The following GALNT7 variants were observed in gnomAD, a reference collection of about 807,000 sequenced individuals.
GALNT7 encodes the protein N-acetylgalactosaminyltransferase 7.
In GALNT7, 60 loss-of-function variants were observed where a neutral mutation model predicts 82.1. The observed-to-expected ratio is 0.73, with a 90% CI of 0.59 to 0.91. The LOEUF (loss-of-function observed/expected upper bound fraction) is 0.91, where lower values mean the gene tolerates loss of function less well. Ranked by LOEUF, GALNT7 falls within the 40% of genes least tolerant of loss-of-function variation. GALNT7 has a pLI of 0.00. For missense variants in GALNT7, 660 were observed against 804.2 expected, an observed-to-expected ratio of 0.82 and a Z score of 2.17; for synonymous variants, 243 against 275.1, an observed-to-expected ratio of 0.88 and a Z score of 1.15.
At chr4:173,297,249 G>T (rs3775592) in intron 5 of GALNT7, among the ~76,000 whole-genome samples, 16,326 of 123,798 alleles carry the variant, frequency 0.13, 2,023 homozygotes, top group African/African-American at 0.39. Flanking sequence ...TTTTTTTTTT[G>T]TTTGTTTTGC....
chr4:173,179,805 A>T (rs562910363), intron 1 of GALNT7, among the ~76,000 whole-genome samples: 1 of 152,200 alleles, frequency 6.6e-6, no homozygotes, highest in African/African-American at 2.4e-5. Context: ...AAAACAAAAC[A>T]AAAGAACAGT....
chr4:173,207,981 T>C (rs1270052685), intron 1 of GALNT7, among the ~76,000 whole-genome samples: 1 of 152,184 alleles, frequency 6.6e-6, no homozygotes, highest in Non-Finnish European at 1.5e-5. Flanking sequence ...AAATTGGTCA[T>C]TTGGATGTTT....
At chr4:173,204,783 A>G (rs1275609385) in intron 1 of GALNT7, among the ~76,000 whole-genome samples, 1 of 152,192 alleles carries the variant, frequency 6.6e-6, no homozygotes, top group Non-Finnish European at 1.5e-5. Context: ...ATTCTGTGTC[A>G]GACAGTTCAT....
At chr4:173,319,031 A>G (rs1737708905) in intron 11 of GALNT7, among the ~76,000 whole-genome samples, 1 of 152,114 alleles carries the variant, frequency 6.6e-6, no homozygotes, top group Non-Finnish European at 1.5e-5. Flanking sequence ...TAACGTCTTT[A>G]TCATTGTTGT....
At chr4:173,200,572 C>A (rs1732914224) in intron 1 of GALNT7, among the ~76,000 whole-genome samples, 1 of 152,110 alleles carries the variant, frequency 6.6e-6, no homozygotes, top group South Asian at 2.1e-4. Context: ...TGTGCAAGAC[C>A]ATATTATTCT....
intron 2 of GALNT7, among the ~76,000 whole-genome samples, chr4:173,276,550 A>G (rs764417466): frequency 2.0e-5 from 3 of 152,224 alleles, no homozygotes; most frequent in Non-Finnish European, 4.4e-5. Flanking sequence ...TTATCAAGAA[A>G]AGAATAGTCT....
chr4:173,203,500 T>G (rs1416253869), intron 1 of GALNT7, among the ~76,000 whole-genome samples: 1 of 152,244 alleles, frequency 6.6e-6, no homozygotes, highest in Non-Finnish European at 1.5e-5. Flanking sequence ...ATTGCCATTA[T>G]GTTCACTACT....
intron 1 of GALNT7, among the ~76,000 whole-genome samples, chr4:173,221,279 T>C (rs1733635733): frequency 6.6e-6 from 1 of 152,240 alleles, no homozygotes; most frequent in Non-Finnish European, 1.5e-5. Flanking sequence ...TTCATTTGTT[T>C]CTTGGCTGCA....
intron 1 of GALNT7, among the ~76,000 whole-genome samples, chr4:173,234,871 T>C (rs987781947): frequency 2.0e-5 from 3 of 152,180 alleles, no homozygotes; most frequent in African/African-American, 7.2e-5. Flanking sequence ...TGTCTCGCCA[T>C]GTGATCTCTG....
intron 1 of GALNT7, among the ~76,000 whole-genome samples, chr4:173,241,223 A>G (rs73870602): frequency 1.9e-4 from 28 of 146,630 alleles, no homozygotes; most frequent in Non-Finnish European, 3.0e-4. Flanking sequence ...AAAAAAAAAA[A>G]AAGAAAGAAA....
At chr4:173,223,542 T>C (rs541474967) in intron 1 of GALNT7, among the ~76,000 whole-genome samples, 186 of 152,222 alleles carry the variant, frequency 1.2e-3, no homozygotes, top group African/African-American at 4.4e-3. Flanking sequence ...CTTTAGGAAT[T>C]CCTTCACTCT....
chr4:173,265,631 C>CAGGCCCCAAGTGCA (rs1735458024), intron 2 of GALNT7, among the ~76,000 whole-genome samples: 1 of 145,896 alleles, frequency 6.9e-6, no homozygotes, highest in Non-Finnish European at 1.5e-5. Context: ...GTCTCTGTCT[C>CAGGCCCCAAGTGCA]TCCACCCCCA....
chr4:173,182,738 T>TACACAC (rs35300617), intron 1 of GALNT7, among the ~76,000 whole-genome samples: 1,568 of 115,772 alleles, frequency 0.014, 30 homozygotes, highest in African/African-American at 0.029. Context: ...TTACTCTTAA[T>TACACAC]ACACACACAC....
Position 173,322,332 on chromosome 4 carries a change from C to T in GALNT7, c.*615C>T, listed in dbSNP as rs944478264. ...TAGGATGGTAATGATGGACTTGTCA[C>T]CTGTATGGGGAATACTTTTACTACT... On this transcript the variant is annotated 3_prime_UTR_variant, in exon 12 of 12. Coordinates refer to ENST00000265000, the MANE Select transcript of GALNT7 (RefSeq NM_017423.3). 6.6e-6 allele frequency: 1 copy of T among 152,622 alleles called. No individual in the cohort carries two copies. Among genetic ancestry groups the T allele is most frequent in the African/African-American group, 2.4e-5 (1 of 41,402 alleles). 9.5% of individuals were successfully genotyped at this position (152,622 alleles called of 1,614,324 possible). A position where few individuals can be genotyped will look rare whatever the true frequency, so the allele number is the denominator to read the frequency against.
intron 1 of GALNT7, among the ~76,000 whole-genome samples, chr4:173,178,052 T>TGTGTGTGTGCGCGCGCGCGC (rs563102408): frequency 1.5e-4 from 20 of 129,508 alleles, no homozygotes; most frequent in African/African-American, 4.9e-4. Flanking sequence ...TGTGTGTGTG[T>TGTGTGTGTGCGCGCGCGCGC]GCGCGCACGC....
At chr4:173,219,896 T>A (rs1331213930) in intron 1 of GALNT7, among the ~76,000 whole-genome samples, 3 of 152,234 alleles carry the variant, frequency 2.0e-5, no homozygotes, top group Non-Finnish European at 2.9e-5. Flanking sequence ...ATATTAGTCC[T>A]TTGTTGGATG....
intron 8 of GALNT7, among the ~76,000 whole-genome samples, chr4:173,305,454 T>A (rs1737117940): frequency 6.6e-6 from 1 of 152,198 alleles, no homozygotes; most frequent in South Asian, 2.1e-4. Context: ...AGTCTATTTT[T>A]ATTTTTGTTG....
At chr4:173,280,811 A>G (rs1736084512) in intron 2 of GALNT7, among the ~76,000 whole-genome samples, 1 of 152,226 alleles carries the variant, frequency 6.6e-6, no homozygotes, top group Admixed American at 6.5e-5. Context: ...TACAATGGGC[A>G]TTTCTTTCTT....
intron 2 of GALNT7, among the ~76,000 whole-genome samples, chr4:173,280,913 A>C (rs1736088009): frequency 6.6e-6 from 1 of 152,192 alleles, no homozygotes; most frequent in African/African-American, 2.4e-5. Flanking sequence ...AAACCAGAAA[A>C]GAGCTAAACT....
Sources: gnomAD v4.1 joint callset for allele counts (sites outside exome capture counted in the v4.1 genomes callset) on GRCh38, gnomAD v4.1.1 for gene constraint, MANE v1.5 for transcripts, NCBI Gene and HGNC (gene_info 2026-07-23, HGNC 2026-07-21) for gene names.